Variants in MGMT observed in about 807,000 individuals in gnomAD.
MGMT encodes the protein O-6-methylguanine-DNA methyltransferase.
Under a neutral mutation model 15.9 loss-of-function variants are expected in MGMT, and 14 were observed. That is an observed-to-expected ratio of 0.88 (90% confidence interval 0.58 to 1.37). MGMT has a LOEUF of 1.37. Ranked by LOEUF, MGMT falls within the 40% of genes most tolerant of loss-of-function variation. The probability of loss-of-function intolerance (pLI) is 0.00; values close to 1 mark genes in which losing one functional copy is unlikely to be tolerated. For missense variants in MGMT, 282 were observed against 268.1 expected, an observed-to-expected ratio of 1.05 and a Z score of -0.36; for synonymous variants, 130 against 118.2, an observed-to-expected ratio of 1.10 and a Z score of -0.65.
chr10:129,620,465 C>A (rs1473514279), intron 2 of MGMT, among the ~76,000 whole-genome samples: 6 of 152,168 alleles, frequency 3.9e-5, no homozygotes, highest in Non-Finnish European at 8.8e-5. Context: ...TGTCTCTTTT[C>A]CCCTTTGGTT....
intron 4 of MGMT, among the ~76,000 whole-genome samples, chr10:129,764,850 C>T (rs576676738): frequency 2.0e-5 from 3 of 152,122 alleles, no homozygotes; most frequent in Non-Finnish European, 4.4e-5. Context: ...CAGGGAGAGG[C>T]CCCGGGTCTG....
chr10:129,670,390 T>C (rs992267295), intron 2 of MGMT, among the ~76,000 whole-genome samples: 6 of 152,182 alleles, frequency 3.9e-5, no homozygotes, highest in South Asian at 2.1e-4. Context: ...GATTTAAAAA[T>C]TTTTTCTTTG....
At chr10:129,658,279 A>G (rs1189432431) in intron 2 of MGMT, among the ~76,000 whole-genome samples, 1 of 152,126 alleles carries the variant, frequency 6.6e-6, no homozygotes, top group East Asian at 1.9e-4. Context: ...ACACAGCTCT[A>G]TTATTGACTA....
At chr10:129,626,283 T>A (rs512655) in intron 2 of MGMT, among the ~76,000 whole-genome samples, 71,287 of 152,044 alleles carry the variant, frequency 0.47, 17,424 homozygotes, top group East Asian at 0.62. Context: ...CGCATGCCTC[T>A]CCTTCTCCAT....
intron 1 of MGMT, among the ~76,000 whole-genome samples, chr10:129,513,806 A>G (rs576851154): frequency 2.0e-4 from 30 of 152,204 alleles, no homozygotes; most frequent in Non-Finnish European, 4.0e-4. Context: ...CATTGCGGAC[A>G]GAGGCTTCCA....
At chr10:129,745,774 TTCAAG>T (rs1315173156) in intron 3 of MGMT, among the ~76,000 whole-genome samples, 2 of 152,186 alleles carry the variant, frequency 1.3e-5, no homozygotes, top group African/African-American at 4.8e-5. Context: ...GAAGTGTCAA[TTCAAG>T]TCTTTTGCCT....
intron 2 of MGMT, among the ~76,000 whole-genome samples, chr10:129,637,393 G>T (rs1423328803): frequency 6.6e-6 from 1 of 152,158 alleles, no homozygotes; most frequent in African/African-American, 2.4e-5. Flanking sequence ...GACGACTTGG[G>T]ATCATGCTTC....
At chr10:129,467,426 C>G in intron 1 of MGMT, 130 bp downstream of exon 1, 2 of 1,368,082 alleles carry the variant, frequency 1.5e-6, no homozygotes, top group Non-Finnish European at 1.9e-6. Flanking sequence ...CCCCACCCAT[C>G]CCGGGCGAGC....
intron 1 of MGMT, among the ~76,000 whole-genome samples, chr10:129,528,491 G>A (rs1211300635): frequency 2.6e-5 from 4 of 151,938 alleles, no homozygotes; most frequent in Admixed American, 6.6e-5. Context: ...AAGCGAGAGC[G>A]AGGCTGGAGT....
chr10:129,681,856 A>G (rs1240631548), intron 2 of MGMT, among the ~76,000 whole-genome samples: 1 of 152,236 alleles, frequency 6.6e-6, no homozygotes, highest in Non-Finnish European at 1.5e-5. Flanking sequence ...GAGGAGTTGT[A>G]TTCAGAACAT....
chr10:129,612,487 T>C (rs1048188047), intron 2 of MGMT, among the ~76,000 whole-genome samples: 15 of 152,224 alleles, frequency 9.9e-5, no homozygotes, highest in African/African-American at 3.4e-4. Flanking sequence ...TGAATTAAAA[T>C]ATTTTATCAT....
chr10:129,597,528 GAGA>G (rs1846765370), intron 2 of MGMT, among the ~76,000 whole-genome samples: 1 of 152,064 alleles, frequency 6.6e-6, no homozygotes, highest in South Asian at 2.1e-4. Flanking sequence ...GGAAATCTTT[GAGA>G]AGAAATATGT....
intron 4 of MGMT, among the ~76,000 whole-genome samples, chr10:129,764,186 G>T (rs531782831): frequency 1.3e-5 from 2 of 152,346 alleles, no homozygotes; most frequent in South Asian, 4.2e-4. Context: ...TATGAACTTG[G>T]GCACGAGACT....
intron 2 of MGMT, among the ~76,000 whole-genome samples, chr10:129,655,095 T>TAAGGACGTTTGTG (rs919740796): frequency 6.6e-6 from 1 of 152,190 alleles, no homozygotes; most frequent in Admixed American, 6.5e-5. Context: ...GCTCCTGGTT[T>TAAGGACGTTTGTG]AAGGACGTTT....
At chr10:129,733,500 T>G (rs1014531574) in intron 3 of MGMT, among the ~76,000 whole-genome samples, 13 of 149,068 alleles carry the variant, frequency 8.7e-5, no homozygotes, top group East Asian at 4.0e-4. Context: ...TTTCTCCCAT[T>G]TTGTAGGTTG....
At chr10:129,628,994 A>G (rs1847181508) in intron 2 of MGMT, among the ~76,000 whole-genome samples, 1 of 152,180 alleles carries the variant, frequency 6.6e-6, no homozygotes, top group South Asian at 2.1e-4. Flanking sequence ...GGGGGAACCC[A>G]TGTGGGAAGG....
Position 129,532,665 on chromosome 10 carries a change from G to A in MGMT, c.-12-3576G>A, listed in dbSNP as rs1589853801. 6.6e-6 allele frequency among the ~76,000 whole-genome samples: 1 copy of A among 152,078 alleles called. No individual in the cohort carries two copies. Among genetic ancestry groups the A allele is most frequent in the African/African-American group, 2.4e-5 (1 of 41,412 alleles). On this transcript the variant is annotated intron_variant, in intron 1 of 4. Coordinates refer to ENST00000651593, the MANE Select transcript of MGMT (RefSeq NM_002412.5). The surrounding 1 kb of genome is among the most constrained non-coding windows in gnomAD (Gnocchi z 5.3). ...CCCTTTGGCTGACGCTTGGATTGGGGGTGAACTCGAGGTGTGGTCTGTGCA... is the reference window on the plus strand; with the variant it reads ...CCCTTTGGCTGACGCTTGGATTGGGAGTGAACTCGAGGTGTGGTCTGTGCA...
intron 2 of MGMT, among the ~76,000 whole-genome samples, chr10:129,613,711 C>A (rs915818839): frequency 6.6e-6 from 1 of 152,208 alleles, no homozygotes; most frequent in Non-Finnish European, 1.5e-5. Context: ...GGAGTCTTGG[C>A]GGGAGGCTGG....
intron 2 of MGMT, among the ~76,000 whole-genome samples, chr10:129,645,067 T>G (rs2133092693): frequency 6.6e-6 from 1 of 152,230 alleles, no homozygotes; most frequent in Non-Finnish European, 1.5e-5. Context: ...CCTTTTTGCT[T>G]TTAGTCTTGA....
Sources: gnomAD v4.1 joint callset for allele counts (sites outside exome capture counted in the v4.1 genomes callset) on GRCh38, gnomAD v4.1.1 for gene constraint, Gnocchi (gnomAD v3.1) non-coding constraint, MANE v1.5 for transcripts, NCBI Gene and HGNC (gene_info 2026-07-23, HGNC 2026-07-21) for gene names.